Variants in COL5A2 observed in about 807,000 individuals in gnomAD.
COL5A2 encodes the protein collagen type V alpha 2 chain.
A neutral mutation model predicts 208.2 loss-of-function variants in COL5A2; 23 were observed. That is an observed-to-expected ratio of 0.11 (90% CI 0.08 to 0.16). The LOEUF (loss-of-function observed/expected upper bound fraction) is 0.16, where lower values mean the gene tolerates loss of function less well. Ranked by LOEUF, COL5A2 falls within the 10% of genes least tolerant of loss-of-function variation. The pLI, the probability that COL5A2 is intolerant of heterozygous loss-of-function variation, is 1.00. For missense variants in COL5A2, 1,590 were observed against 1,956.4 expected, an observed-to-expected ratio of 0.81 and a Z score of 3.53; for synonymous variants, 625 against 628.5, an observed-to-expected ratio of 0.99 and a Z score of 0.08.
the COL5A2 span, among the ~76,000 whole-genome samples, chr2:189,280,323 T>C: frequency 1.4e-4 from 21 of 152,170 alleles, no homozygotes; most frequent in African/African-American, 4.6e-4. Context: ...CCTACAATAA[T>C]TTAATAATTT....
chr2:189,104,405 G>A, intron 2 of COL5A2, 128 bp from the exon 3 acceptor site: 1 of 698,612 alleles, frequency 1.4e-6, no homozygotes, highest in Non-Finnish European at 2.6e-6. Flanking sequence ...TACACTATCA[G>A]CAGTAAGCAG....
chr2:189,321,618 A>G, the COL5A2 span, among the ~76,000 whole-genome samples: 64 of 152,032 alleles, frequency 4.2e-4, 2 homozygotes, highest in Non-Finnish European at 3.1e-4. Context: ...AGAGCTAACT[A>G]TCCTAAATAT....
intron 3 of COL5A2, 89 bp downstream of exon 3, chr2:189,104,175 C>G: frequency 1.0e-6 from 1 of 971,852 alleles, no homozygotes; most frequent in South Asian, 1.3e-5. Flanking sequence ...TTTTCAAAAG[C>G]TTTCAAACGT....
At chr2:189,119,134 G>T (rs954677667) in intron 1 of COL5A2, among the ~76,000 whole-genome samples, 2 of 152,208 alleles carry the variant, frequency 1.3e-5, no homozygotes, top group Middle Eastern at 3.4e-3. Context: ...GAGAAAAAGA[G>T]TTGTTGCCTT....
the COL5A2 span, among the ~76,000 whole-genome samples, chr2:189,273,642 T>A: frequency 2.6e-5 from 4 of 152,020 alleles, no homozygotes; most frequent in Non-Finnish European, 5.9e-5. Context: ...GAAAATATGG[T>A]ATATATACAC....
the COL5A2 span, among the ~76,000 whole-genome samples, chr2:189,280,955 GT>G: frequency 6.6e-6 from 1 of 151,238 alleles, no homozygotes; most frequent in Non-Finnish European, 1.5e-5. Context: ...AGTTATTGTA[GT>G]TTTTGCCACT....
chr2:189,269,549 A>T, the COL5A2 span, among the ~76,000 whole-genome samples: 140,878 of 152,170 alleles, frequency 0.93, 65,494 homozygotes, highest in East Asian at 1. Flanking sequence ...TTTATTGATT[A>T]GTGTATGGTG....
At chr2:189,259,865 G>A in the COL5A2 span, among the ~76,000 whole-genome samples, 2 of 152,284 alleles carry the variant, frequency 1.3e-5, no homozygotes, top group East Asian at 1.9e-4. Context: ...CAGAAAGGCT[G>A]ATAGTTGTCT....
chr2:189,217,710 G>A (rs1689296962), intron 1 of COL5A2, among the ~76,000 whole-genome samples: 1 of 152,122 alleles, frequency 6.6e-6, no homozygotes, highest in South Asian at 2.1e-4. Flanking sequence ...TAGTGTAGCT[G>A]GGGCATCTCT....
chr2:189,069,838 A>G (rs556090621), intron 18 of COL5A2, among the ~76,000 whole-genome samples: 1 of 152,322 alleles, frequency 6.6e-6, no homozygotes, highest in Non-Finnish European at 1.5e-5. Flanking sequence ...TCAAGAAAGC[A>G]TTTATCAGTA....
chr2:189,416,455 G>A, the COL5A2 span, among the ~76,000 whole-genome samples: 6 of 152,216 alleles, frequency 3.9e-5, no homozygotes, highest in Admixed American at 6.5e-5. Context: ...GCAAACTATC[G>A]CAAGGACAAA....
the COL5A2 span, among the ~76,000 whole-genome samples, chr2:189,413,540 GGAA>G: frequency 1.3e-5 from 2 of 152,056 alleles, no homozygotes; most frequent in Non-Finnish European, 2.9e-5. Context: ...TGCATTGCAG[GGAA>G]GAAGAAGAAT....
intron 1 of COL5A2, among the ~76,000 whole-genome samples, chr2:189,163,713 T>C (rs1463632156): frequency 1.3e-5 from 2 of 152,242 alleles, no homozygotes; most frequent in East Asian, 1.9e-4. Context: ...CTTTCCACTG[T>C]ATTACAGCAC....
chr2:189,132,072 C>T (rs1371943996), intron 1 of COL5A2, among the ~76,000 whole-genome samples: 1 of 152,136 alleles, frequency 6.6e-6, no homozygotes, highest in African/African-American at 2.4e-5. Flanking sequence ...ATTAAAATGT[C>T]TGTTCTTTGA....
chr2:189,312,358 C>T, the COL5A2 span, among the ~76,000 whole-genome samples: 29 of 152,126 alleles, frequency 1.9e-4, no homozygotes, highest in East Asian at 3.9e-4. Context: ...GCCAGGCCCC[C>T]GGATCCCACG....
At chr2:189,070,396 T>C (rs893877805) in intron 18 of COL5A2, among the ~76,000 whole-genome samples, 3 of 152,170 alleles carry the variant, frequency 2.0e-5, no homozygotes, top group Non-Finnish European at 2.9e-5. Flanking sequence ...GCAGAGACCA[T>C]GGCAGAACTT....
At chr2:189,252,840 A>C in the COL5A2 span, among the ~76,000 whole-genome samples, 87 of 152,324 alleles carry the variant, frequency 5.7e-4, no homozygotes, top group African/African-American at 2.0e-3. Context: ...TTGGAATCAA[A>C]GTATATTTTA....
intron 1 of COL5A2, among the ~76,000 whole-genome samples, chr2:189,221,004 C>A (rs1205737245): frequency 6.6e-6 from 1 of 151,920 alleles, no homozygotes; most frequent in Non-Finnish European, 1.5e-5. Flanking sequence ...AGTGGCTGGC[C>A]CATAATAGGT....
the COL5A2 span, among the ~76,000 whole-genome samples, chr2:189,419,680 T>A: frequency 1.3e-5 from 2 of 151,422 alleles, no homozygotes; most frequent in South Asian, 4.2e-4. Context: ...TCTATAGTCC[T>A]AGCTACTGGA....
Sources: gnomAD v4.1 joint callset for allele counts (sites outside exome capture counted in the v4.1 genomes callset) on GRCh38, gnomAD v4.1.1 for gene constraint, MANE v1.5 for transcripts, NCBI Gene and HGNC (gene_info 2026-07-23, HGNC 2026-07-21) for gene names.